TNFRSF10A: variants seen among roughly 807,000 people sequenced by gnomAD.
The protein encoded by TNFRSF10A is TNF receptor superfamily member 10a, also known as tumor necrosis factor receptor superfamily member 10A.
Under a neutral mutation model 42.8 loss-of-function variants are expected in TNFRSF10A, and 44 were observed. The observed-to-expected ratio is 1.03, with a 90% CI of 0.81 to 1.32. TNFRSF10A has a LOEUF of 1.32. TNFRSF10A is among the 40% of genes most tolerant of loss of function. The pLI is 0.00. For missense variants in TNFRSF10A, 680 were observed against 602.0 expected, an observed-to-expected ratio of 1.13 and a Z score of -1.36; for synonymous variants, 259 against 234.2, an observed-to-expected ratio of 1.11 and a Z score of -0.97.
At position 23,191,474 on chromosome 8, in the gene TNFRSF10A, T is replaced by A. The variant is rs1800751688; in HGVS notation, c.*220A>T. On this transcript the variant is annotated 3_prime_UTR_variant, in exon 10 of 10. Coordinates refer to ENST00000221132, the MANE Select transcript of TNFRSF10A (RefSeq NM_003844.4). ...CCATCACATCCAGTTAATTTTTGTA[T>A]TTTTTTGTAAAGACGGCATTTCACG... 2 of 639,940 alleles carry A rather than the reference T, an allele frequency of 3.1e-6. No individual in the cohort carries two copies. Among genetic ancestry groups the A allele is most frequent in the East Asian group, 5.6e-5 (2 of 35,660 alleles). 39.6% of individuals were successfully genotyped at this position (639,940 alleles called of 1,614,324 possible).
intron 1 of TNFRSF10A, among the ~76,000 whole-genome samples, chr8:23,221,461 C>G (rs937949602): frequency 6.6e-6 from 1 of 152,176 alleles, no homozygotes; most frequent in Admixed American, 6.5e-5. Context: ...AGAGACGAGA[C>G]GAGGTGGAAG....
In TNFRSF10A at chr8:23,202,753, T is replaced by TGGG. The variant is rs1800951208; in HGVS notation, c.411_412insCCC (p.His137_Arg138insPro). 6.2e-7 allele frequency: 1 copy of TGGG among 1,609,430 alleles called. No individual in the cohort carries two copies. The highest frequency in any genetic ancestry group is 1.1e-5 in the South Asian group (1 of 90,956). On this transcript the variant is annotated inframe_insertion, in exon 3 of 10. Transcript: ENST00000221132. The stretch of plus-strand genomic sequence containing the variant: ...TTACAGGCTCCAGGATGTTCTGATC[T>TGGG]ATGAGATCCTGGGAAGGGAGAGAAA...
At chr8:23,195,054 G>C (rs896681462) in intron 9 of TNFRSF10A, among the ~76,000 whole-genome samples, 2 of 152,200 alleles carry the variant, frequency 1.3e-5, no homozygotes, top group Admixed American at 6.5e-5. Flanking sequence ...AGCTACTCAG[G>C]AGGCTGAGGC....
At position 23,191,958 on chromosome 8, in the gene TNFRSF10A, G is replaced by A; in HGVS notation, c.1143C>T (p.Asp381=). 5 of 1,614,204 alleles carry A rather than the reference G, an allele frequency of 3.1e-6. No individual in the cohort carries two copies. The highest frequency in any genetic ancestry group is 4.2e-6 in the Non-Finnish European group (5 of 1,180,052). The change falls in exon 10 of 10, where the codon GAC becomes GAT. Residue 381 remains aspartate (D), a synonymous_variant. Transcript: ENST00000221132. ...FANIVPFDSW[D]QLMRQLDLTK... Reference sequence around the variant, plus strand: ...TGAGGTCCAGCTGCCTCATGAGCTGGTCCCAGGAGTCAAAGGGCACGATGT... The same window carrying A: ...TGAGGTCCAGCTGCCTCATGAGCTGATCCCAGGAGTCAAAGGGCACGATGT...
At chr8:23,201,297 C>T (rs1800913863) in intron 4 of TNFRSF10A, among the ~76,000 whole-genome samples, 1 of 152,112 alleles carries the variant, frequency 6.6e-6, no homozygotes, top group Non-Finnish European at 1.5e-5. Flanking sequence ...TGGGTGGGCT[C>T]AGGTCCTCAT....
Position 23,199,935 on chromosome 8 carries a change from TCCCTTAGTGGCCAGGGAGGGG to T in TNFRSF10A, c.800-39_800-19del. 2 of 1,613,718 alleles carry T rather than the reference TCCCTTAGTGGCCAGGGAGGGG, an allele frequency of 1.2e-6. No homozygotes were observed. The highest frequency in any genetic ancestry group is 2.2e-5 in the South Asian group (2 of 91,072). ...TCCACAACCTAGAAGAGAAGACGGT[TCCCTTAGTGGCCAGGGAGGGG>T]CCCATGCAGCACTCCTTCTTAGAGG... On this transcript the variant is annotated intron_variant, in intron 6 of 9. Coordinates refer to ENST00000221132, the MANE Select transcript of TNFRSF10A (RefSeq NM_003844.4).
chr8:23,221,630 C>A (rs893968429), intron 1 of TNFRSF10A, among the ~76,000 whole-genome samples: 2 of 152,168 alleles, frequency 1.3e-5, no homozygotes, highest in African/African-American at 4.8e-5. Context: ...GAACTGGCCC[C>A]AGCCGACCAC....
At chr8:23,192,537 A>T (rs976972442) in intron 9 of TNFRSF10A, among the ~76,000 whole-genome samples, 2 of 152,210 alleles carry the variant, frequency 1.3e-5, no homozygotes, top group African/African-American at 4.8e-5. Context: ...AAGACAGAGC[A>T]AACCTGCCCA....
Position 23,218,394 on chromosome 8 carries a change from A to C in TNFRSF10A, c.307-6182T>G, listed in dbSNP as rs1026643944. Among the ~76,000 whole-genome samples, 110 of 152,140 alleles carry C rather than the reference A, an allele frequency of 7.2e-4. 1 individual carries two copies. Among genetic ancestry groups the C allele is most frequent in the African/African-American group, 2.5e-3 (105 of 41,422 alleles). ...TCTCAGGCATACACACCCTAAAAAA[A>C]TGCCTTATTGATCTTAAAATGAGCA... On this transcript the variant is annotated intron_variant, in intron 1 of 9. Transcript: ENST00000221132.
intron 2 of TNFRSF10A, chr8:23,206,993 A>T: frequency 2.7e-6 from 1 of 363,900 alleles, no homozygotes; most frequent in Non-Finnish European, 5.3e-6. Flanking sequence ...AAGGCCAAGA[A>T]GGCAGTGTAG....
At chr8:23,220,222 T>TC (rs1801239008) in intron 1 of TNFRSF10A, among the ~76,000 whole-genome samples, 1 of 152,142 alleles carries the variant, frequency 6.6e-6, no homozygotes. Context: ...GGGGACTTCC[T>TC]CCTCCTAAAT....
At chr8:23,198,945 G>C (rs770776342) in intron 8 of TNFRSF10A, among the ~76,000 whole-genome samples, 9 of 152,232 alleles carry the variant, frequency 5.9e-5, no homozygotes, top group Admixed American at 1.3e-4. Context: ...CTGCTGTTAT[G>C]AGCAAGGGCT....
intron 2 of TNFRSF10A, among the ~76,000 whole-genome samples, chr8:23,206,542 G>A (rs1801011914): frequency 6.6e-6 from 1 of 152,164 alleles, no homozygotes; most frequent in Non-Finnish European, 1.5e-5. Flanking sequence ...AAGAGCAATA[G>A]GCTATATCAC....
rs1413197621 is a variant in TNFRSF10A, at chr8:23,191,681, T to G, written c.*13A>C. 6.2e-7 allele frequency: 1 copy of G among 1,605,708 alleles called. No individual in the cohort carries two copies. Among genetic ancestry groups the G allele is most frequent in the Non-Finnish European group, 8.5e-7 (1 of 1,176,510 alleles). Reference sequence around the variant, plus strand: ...CTAACACCTAAGAGGAAACCTCTGGTAAAAAGAGTCTTTCACTCCAAGGAC... The same window carrying G: ...CTAACACCTAAGAGGAAACCTCTGGGAAAAAGAGTCTTTCACTCCAAGGAC... On this transcript the variant is annotated 3_prime_UTR_variant, in exon 10 of 10. Transcript: ENST00000221132.
In TNFRSF10A at chr8:23,201,873, A is replaced by G; in HGVS notation, c.564T>C (p.Cys188=). Residue 188 remains cysteine, a synonymous_variant, in exon 4 of 10, where the codon TGT becomes TGC. Transcript: ENST00000221132. The part of the protein sequence containing the change: ...SPCTTTRNTA[C]QCKPGTFRND... Reference sequence around the variant, plus strand: ...TCCGGAAAGTTCCTGGTTTGCACTGACATGCTGTGTTCCTGGTCGTGGTGC... The same window carrying G: ...TCCGGAAAGTTCCTGGTTTGCACTGGCATGCTGTGTTCCTGGTCGTGGTGC... 6.2e-7 allele frequency: 1 copy of G among 1,614,182 alleles called. No homozygotes were observed. The highest frequency in any genetic ancestry group is 1.3e-5 in the African/African-American group (1 of 75,044).
chr8:23,210,590 G>C (rs1801080387), intron 2 of TNFRSF10A, among the ~76,000 whole-genome samples: 4 of 152,178 alleles, frequency 2.6e-5, no homozygotes, highest in Admixed American at 2.6e-4. Flanking sequence ...GCTGAGGCAG[G>C]AGAATGGTGT....
At chr8:23,212,009 A>G (rs899619044) in intron 2 of TNFRSF10A, 107 bp downstream of exon 2, 1 of 1,011,994 alleles carries the variant, frequency 9.9e-7, no homozygotes, top group African/African-American at 1.6e-5. Flanking sequence ...AAACTTGAAG[A>G]ACATGGAAAA....
Position 23,224,833 on chromosome 8 carries a change from TG to T in TNFRSF10A, c.228del (p.Arg77GlyfsTer166). 6.4e-7 allele frequency: 1 copy of T among 1,566,274 alleles called. No individual in the cohort carries two copies. Among genetic ancestry groups the T allele is most frequent in the Non-Finnish European group, 8.7e-7 (1 of 1,155,832 alleles). The part of the protein sequence containing the change: ...ARARAGRAPG[P>X]RPAREASPRL... The stretch of plus-strand genomic sequence containing the variant: ...CGAGGGCTGGCTTCCCGCGCCGGCC[TG>T]GGTCCTGGGGCGCGCCCTGCCCGGG... On this transcript the variant is annotated frameshift_variant, in exon 1 of 10. Coordinates refer to ENST00000221132, the MANE Select transcript of TNFRSF10A (RefSeq NM_003844.4). LOFTEE classifies it high-confidence loss of function.
At chr8:23,224,271 G>C (rs1268328652) in intron 1 of TNFRSF10A, among the ~76,000 whole-genome samples, 1 of 129,940 alleles carries the variant, frequency 7.7e-6, no homozygotes, top group Non-Finnish European at 1.6e-5. Context: ...CTACACTCCA[G>C]CCTGGGCGAC....
Sources: allele counts gnomAD v4.1 joint callset (sites outside exome capture counted in the v4.1 genomes callset), GRCh38; gene constraint gnomAD v4.1.1; transcripts MANE v1.5; gene names NCBI Gene and HGNC (gene_info 2026-07-23, HGNC 2026-07-21).